PTPRD: variants seen among roughly 807,000 people sequenced by gnomAD.
The protein encoded by PTPRD is protein tyrosine phosphatase receptor type D.
Under a neutral mutation model 214.5 loss-of-function variants are expected in PTPRD, and 34 were observed. The observed-to-expected ratio is 0.16, with a 90% CI of 0.12 to 0.21. The LOEUF (loss-of-function observed/expected upper bound fraction) is 0.21. Among genes scored for constraint, PTPRD ranks in the 10% least tolerant of loss-of-function variants. PTPRD has a pLI of 1.00. For missense variants in PTPRD, 2,545 were observed against 2,398.7 expected (o/e 1.06, Z -1.27); for synonymous variants, 1,128 against 845.7 (o/e 1.33, Z -5.79).
chr9:9,113,362 G>T (rs1482103635), intron 10 of PTPRD, among the ~76,000 whole-genome samples: 1 of 152,034 alleles, frequency 6.6e-6, no homozygotes, highest in Non-Finnish European at 1.5e-5. Context: ...TTACTATGCA[G>T]TGACCACACA....
chr9:8,760,598 C>CTGTGTGTGTGTGTGTGTGTGTG, intron 11 of PTPRD, among the ~76,000 whole-genome samples: 1 of 145,096 alleles, frequency 6.9e-6, no homozygotes, highest in East Asian at 2.0e-4. Flanking sequence ...CTCTCTCTGT[C>CTGTGTGTGTGTGTGTGTGTGTG]TGTGTGTGTG....
Position 8,341,185 on chromosome 9 carries a change from A to T in PTPRD, c.5031T>A (p.Asn1677Lys), listed in dbSNP as rs12351899. The T allele has an allele frequency of 6.2e-7, 1 of 1,613,178 alleles. No homozygotes were observed. Among genetic ancestry groups the T allele is most frequent in the Non-Finnish European group, 8.5e-7 (1 of 1,179,484 alleles). ...PCNKFKNRLVNIMPYESTRVC... is the reference protein window; with the variant it reads ...PCNKFKNRLVKIMPYESTRVC... ...CCCTTGTGGATTCATATGGCATAAT[A>T]TTAACAAGGCGATTTTTGAATTTAT... Residue 1677 changes from asparagine (N) to lysine (K), a missense_variant, in exon 41 of 46, where the codon AAT (asparagine) becomes AAA (lysine). Transcript: ENST00000381196.
intron 11 of PTPRD, among the ~76,000 whole-genome samples, chr9:8,826,717 C>T (rs2097183331): frequency 6.6e-6 from 1 of 151,680 alleles, no homozygotes; most frequent in Non-Finnish European, 1.5e-5. Context: ...ACGGTAAGCC[C>T]CTTAATGGCA....
intron 5 of PTPRD, among the ~76,000 whole-genome samples, chr9:9,842,153 G>T (rs1028909076): frequency 6.6e-6 from 1 of 151,836 alleles, no homozygotes; most frequent in South Asian, 2.1e-4. Flanking sequence ...GAAGAATATT[G>T]AGAATTTATG....
intron 11 of PTPRD, among the ~76,000 whole-genome samples, chr9:8,892,387 G>C (rs2098547192): frequency 6.6e-6 from 1 of 151,990 alleles, no homozygotes; most frequent in South Asian, 2.1e-4. Flanking sequence ...AGAAATCCTT[G>C]CCCAATTTAT....
In PTPRD at chr9:9,004,529, G is replaced by C. The variant is rs145005499; in HGVS notation, c.-104+14168C>G. Reference sequence around the variant, plus strand: ...GGCTAAGATGATCAAGATCCGGAATGATTGCATCCCATTTAATTCTTCCCA... The same window carrying C: ...GGCTAAGATGATCAAGATCCGGAATCATTGCATCCCATTTAATTCTTCCCA... On this transcript the variant is annotated intron_variant, in intron 11 of 45. Transcript: ENST00000381196. Among the ~76,000 whole-genome samples the C allele has an allele frequency of 1.3e-4, 20 of 152,024 alleles. No individual in the cohort carries two copies. The East Asian group carries it at 3.9e-3, about 29-fold the overall frequency.
At chr9:10,088,241 G>A (rs188038992) in intron 3 of PTPRD, among the ~76,000 whole-genome samples, 1 of 151,818 alleles carries the variant, frequency 6.6e-6, no homozygotes, top group African/African-American at 2.4e-5. Context: ...CTACCAAAGT[G>A]TATTGTACCA....
intron 11 of PTPRD, among the ~76,000 whole-genome samples, chr9:9,012,321 G>T (rs76015209): frequency 0.021 from 3,222 of 152,254 alleles, 117 homozygotes; most frequent in African/African-American, 0.072. Context: ...CTACCTTAAA[G>T]TGAGAGATAA....
At chr9:9,410,303 G>A (rs894257511) in intron 8 of PTPRD, among the ~76,000 whole-genome samples, 6 of 152,132 alleles carry the variant, frequency 3.9e-5, no homozygotes, top group South Asian at 2.1e-4. Flanking sequence ...AAGAAAGTTC[G>A]TTCTGTGATT....
At chr9:8,915,620 C>A (rs995746542) in intron 11 of PTPRD, among the ~76,000 whole-genome samples, 1 of 152,072 alleles carries the variant, frequency 6.6e-6, no homozygotes, top group African/African-American at 2.4e-5. Flanking sequence ...TGAGCTGATG[C>A]GGCAGCTGTA....
chr9:8,646,577 T>C (rs1194829308), intron 12 of PTPRD, among the ~76,000 whole-genome samples: 1 of 152,174 alleles, frequency 6.6e-6, no homozygotes, highest in Non-Finnish European at 1.5e-5. Flanking sequence ...TTACAGAATT[T>C]ACCCACATTT....
In PTPRD at chr9:8,891,137, A is replaced by ATTTTTTTTT. The variant is rs761564011; in HGVS notation, c.-104+127551_-104+127559dup. On this transcript the variant is annotated intron_variant, in intron 11 of 45. Transcript: ENST00000381196. ...AACTTCTGTGCTTTGAATTAATCTA[A>ATTTTTTTTT]TTTTTTTTTTTTTTGAGACTGAGTC... is the stretch of plus-strand genomic sequence containing the variant. 8.0e-4 allele frequency among the ~76,000 whole-genome samples: 99 copies of ATTTTTTTTT among 123,612 alleles called. 7 individuals carry two copies. The highest frequency in any genetic ancestry group is 4.5e-3 in the Middle Eastern group (1 of 220). 81.1% of individuals were successfully genotyped at this position (123,612 alleles called of 152,430 possible). A position where few individuals can be genotyped will look rare whatever the true frequency, so the allele number is the denominator to read the frequency against.
At chr9:8,909,792 T>TAG (rs1275047837) in intron 11 of PTPRD, among the ~76,000 whole-genome samples, 1 of 133,026 alleles carries the variant, frequency 7.5e-6, no homozygotes, top group Admixed American at 8.8e-5. Context: ...GAGATAGAGA[T>TAG]AGACAGAGAT....
At chr9:8,642,891 G>T (rs1211336717) in intron 12 of PTPRD, among the ~76,000 whole-genome samples, 1 of 152,160 alleles carries the variant, frequency 6.6e-6, no homozygotes, top group Non-Finnish European at 1.5e-5. Flanking sequence ...ACCAACACAT[G>T]ACGAAAGGGA....
intron 2 of PTPRD, among the ~76,000 whole-genome samples, chr9:10,611,301 T>C (rs1443015148): frequency 6.6e-6 from 1 of 152,188 alleles, no homozygotes; most frequent in Non-Finnish European, 1.5e-5. Flanking sequence ...CTACTGTATC[T>C]ACTGTATATG....
At chr9:9,880,452 A>G (rs200134957) in intron 5 of PTPRD, among the ~76,000 whole-genome samples, 3 of 152,348 alleles carry the variant, frequency 2.0e-5, no homozygotes, top group South Asian at 2.1e-4. Context: ...CAAAAATCAG[A>G]TATCACCATT....
intron 2 of PTPRD, among the ~76,000 whole-genome samples, chr9:10,459,919 C>G (rs1370850318): frequency 6.6e-6 from 1 of 151,764 alleles, no homozygotes; most frequent in Non-Finnish European, 1.5e-5. Context: ...ATATTAACTG[C>G]ACTTTTTCCA....
At chr9:9,903,036 A>G (rs1459132833) in intron 5 of PTPRD, among the ~76,000 whole-genome samples, 3 of 151,774 alleles carry the variant, frequency 2.0e-5, no homozygotes, top group African/African-American at 7.3e-5. Flanking sequence ...TTCCAGTAAA[A>G]ATCAAGGATT....
chr9:8,799,791 G>C (rs1232629169), intron 11 of PTPRD, among the ~76,000 whole-genome samples: 1 of 151,934 alleles, frequency 6.6e-6, no homozygotes, highest in African/African-American at 2.4e-5. Flanking sequence ...CAATGCTCCA[G>C]AGAAATCCTC....
Sources: allele counts gnomAD v4.1 joint callset (sites outside exome capture counted in the v4.1 genomes callset), GRCh38; gene constraint gnomAD v4.1.1; transcripts MANE v1.5; gene names NCBI Gene and HGNC (gene_info 2026-07-23, HGNC 2026-07-21).